Variants in CELSR1 observed in about 807,000 individuals in gnomAD.
CELSR1 encodes adhesion G protein-coupled receptor C1.
CELSR1 carries 110 observed loss-of-function variants against 249.1 expected under a neutral mutation model. The observed-to-expected ratio is 0.44, with a 90% confidence interval of 0.38 to 0.52. The LOEUF (loss-of-function observed/expected upper bound fraction) is 0.52, where lower values mean the gene tolerates loss of function less well. Ranked by LOEUF, CELSR1 falls within the 20% of genes least tolerant of loss-of-function variation. The pLI is 0.00. For missense variants in CELSR1, 4,109 were observed against 4,296.4 expected (o/e 0.96, Z 1.22); for synonymous variants, 2,113 against 1,900.0 (o/e 1.11, Z -2.92).
At position 46,372,567 on chromosome 22, in the gene CELSR1, T is replaced by C. The variant is rs1213105587; in HGVS notation, c.7759+316A>G. Among the ~76,000 whole-genome samples, 5 of 145,322 alleles carry C rather than the reference T, an allele frequency of 3.4e-5. No homozygotes were observed. The East Asian group carries it at 9.0e-4, about 26-fold the overall frequency. ...CTCCATCCATCCACCTGCACACTCATGCACTCACTCGCTCTTCCCTCCATC... is the reference window on the plus strand; with the variant it reads ...CTCCATCCATCCACCTGCACACTCACGCACTCACTCGCTCTTCCCTCCATC... On this transcript the variant is annotated intron_variant, in intron 25 of 34. Coordinates refer to ENST00000674500, the MANE Select transcript of CELSR1 (RefSeq NM_001378328.1).
In CELSR1 at chr22:46,454,628, C is replaced by T. The variant is rs2079925230; in HGVS notation, c.4183+9079G>A. ...CAGATGTTTGTTCCTCACTGACTCA[C>T]ATTCCACACCTAGTTCAGCTCGCCC... On this transcript the variant is annotated intron_variant, in intron 2 of 34. Transcript: ENST00000674500. This position sits in a 1 kb window ranked among gnomAD's most constrained non-coding sequence, Gnocchi z 5.1. Among the ~76,000 whole-genome samples the T allele has an allele frequency of 6.6e-6, 1 of 152,268 alleles. No homozygotes were observed. Among genetic ancestry groups the T allele is most frequent in the Admixed American group, 6.5e-5 (1 of 15,292 alleles).
intron 2 of CELSR1, among the ~76,000 whole-genome samples, chr22:46,458,995 C>A (rs1247612326): frequency 3.9e-5 from 6 of 152,068 alleles, no homozygotes; most frequent in Non-Finnish European, 8.8e-5. Flanking sequence ...TGGGTTCAAG[C>A]GATTCTCCTG....
intron 5 of CELSR1, among the ~76,000 whole-genome samples, chr22:46,431,927 G>A (rs1023783236): frequency 1.3e-5 from 2 of 152,212 alleles, no homozygotes; most frequent in African/African-American, 2.4e-5. Context: ...CCCACTAGGG[G>A]TGACATCCAA....
chr22:46,433,803 G>A lies in CELSR1; in HGVS notation c.4523-322C>T, dbSNP rs150477738. Among the ~76,000 whole-genome samples the A allele has an allele frequency of 2.8e-4, 42 of 152,272 alleles. No homozygotes were observed. Among genetic ancestry groups the A allele is most frequent in the Admixed American group, 1.7e-3 (26 of 15,302 alleles). On this transcript the variant is annotated intron_variant, in intron 4 of 34. Coordinates refer to ENST00000674500, the MANE Select transcript of CELSR1 (RefSeq NM_001378328.1). The surrounding 1 kb of genome is among the most constrained non-coding windows in gnomAD (Gnocchi z 5.7). ...GGGTTCAAGAGATTCTCCTGCCTCA[G>A]CCTCCTGAGTAGCTGGGATTACAGG...
intron 1 of CELSR1, among the ~76,000 whole-genome samples, chr22:46,505,359 C>T (rs1261193576): frequency 2.6e-5 from 4 of 151,032 alleles, no homozygotes; most frequent in Non-Finnish European, 4.4e-5. Flanking sequence ...GCAAACCGGG[C>T]GCGGTGGCTC....
chr22:46,376,779 C>T (rs1447810611), intron 24 of CELSR1, among the ~76,000 whole-genome samples: 2 of 150,652 alleles, frequency 1.3e-5, no homozygotes, highest in Non-Finnish European at 3.0e-5. Flanking sequence ...CTCACTCCAG[C>T]CTGGATTGAC....
In CELSR1 at chr22:46,398,270, G is replaced by C. The variant is rs558242557; in HGVS notation, c.5526+254C>G. ...GGCTCGATTCAGGACACTTCACAAA[G>C]GCAGAGGGGCAGGTGGCTGGCATGG... is the stretch of plus-strand genomic sequence containing the variant. On this transcript the variant is annotated intron_variant, in intron 11 of 34. Transcript: ENST00000674500. This position sits in a 1 kb window ranked among gnomAD's most constrained non-coding sequence, Gnocchi z 7.2. Among the ~76,000 whole-genome samples, 1 of 152,278 alleles carries C rather than the reference G, an allele frequency of 6.6e-6. No individual in the cohort carries two copies. The highest frequency in any genetic ancestry group is 1.9e-4 in the East Asian group (1 of 5,188).
At position 46,445,565 on chromosome 22, in the gene CELSR1, G is replaced by A. The variant is rs1472683612; in HGVS notation, c.4184-6154C>T. 6.6e-6 allele frequency among the ~76,000 whole-genome samples: 1 copy of A among 152,150 alleles called. No homozygotes were observed. Among genetic ancestry groups the A allele is most frequent in the Non-Finnish European group, 1.5e-5 (1 of 68,022 alleles). On this transcript the variant is annotated intron_variant, in intron 2 of 34. Coordinates refer to ENST00000674500, the MANE Select transcript of CELSR1 (RefSeq NM_001378328.1). The surrounding 1 kb of genome is among the most constrained non-coding windows in gnomAD (Gnocchi z 4.4). ...CCACCCTAAATCCACGATGACTTAA[G>A]GACCCAAACTCATTACATCTGGAAA...
chr22:46,462,235 G>A (rs1349602041), intron 2 of CELSR1, among the ~76,000 whole-genome samples: 1 of 152,250 alleles, frequency 6.6e-6, no homozygotes. Flanking sequence ...CCACAGACTA[G>A]CAGGCGTGGG....
rs2079365324 is a variant in CELSR1 at position 46,413,818 on chromosome 22, A to G, written c.4612-2059T>C. On this transcript the variant is annotated intron_variant, in intron 5 of 34. Transcript: ENST00000674500. The surrounding 1 kb of genome is among the most constrained non-coding windows in gnomAD (Gnocchi z 4.7). ...TGGAAGTGCCCATTATGGGACGCTT[A>G]AATGTGAGATGCGATCCCAGGGAAA... 6.6e-6 allele frequency among the ~76,000 whole-genome samples: 1 copy of G among 152,224 alleles called. No homozygotes were observed. The highest frequency in any genetic ancestry group is 1.5e-5 in the Non-Finnish European group (1 of 68,042).
Position 46,500,913 on chromosome 22 carries a change from G to T in CELSR1, c.3544+32714C>A, listed in dbSNP as rs1307797432. ...GACCCGAAAATCAGCCCATTTACAT[G>T]CCAAGTGCTGAGAACCCTGTTTCTA... On this transcript the variant is annotated intron_variant, in intron 1 of 34. Transcript: ENST00000674500. The surrounding 1 kb of genome is among the most constrained non-coding windows in gnomAD (Gnocchi z 4.9). Among the ~76,000 whole-genome samples the T allele has an allele frequency of 6.6e-6, 1 of 152,146 alleles. No homozygotes were observed. Among genetic ancestry groups the T allele is most frequent in the African/African-American group, 2.4e-5 (1 of 41,420 alleles).
chr22:46,419,608 G>A (rs1347911313), intron 5 of CELSR1, among the ~76,000 whole-genome samples: 2 of 152,210 alleles, frequency 1.3e-5, no homozygotes, highest in Non-Finnish European at 2.9e-5. Flanking sequence ...GGGAAAAACA[G>A]GAGAAAACTT....
chr22:46,514,285 C>G (rs955699243), intron 1 of CELSR1, among the ~76,000 whole-genome samples: 11 of 152,140 alleles, frequency 7.2e-5, no homozygotes, highest in East Asian at 1.9e-4. Context: ...ACCCAGTAAG[C>G]GAGACTACTC....
At position 46,389,292 on chromosome 22, in the gene CELSR1, C is replaced by T. The variant is rs369678287; in HGVS notation, c.6553G>A (p.Glu2185Lys). 11 of 1,604,438 alleles carry T rather than the reference C, an allele frequency of 6.9e-6. No homozygotes were observed. Among genetic ancestry groups the T allele is most frequent in the South Asian group, 4.4e-5 (4 of 90,994 alleles). ...CAGGGTGGCGGCCACCCGCCTACCT[C>T]GTGAAAGTCGGCGTCCTGCGTGGCT... ...LAATQDADFH[E>K]DVIHSGSALL... Residue 2185 changes from glutamate (E) to lysine (K), a missense_variant and splice_region_variant, in exon 18 of 35, where the codon GAG becomes AAG. Glu to Lys is a moderately conservative substitution (Grantham distance 56). This residue lies in a region of CELSR1 where 1,805 missense variants were observed against 1,831.6 expected (regional missense o/e 0.99). Coordinates refer to ENST00000674500, the MANE Select transcript of CELSR1 (RefSeq NM_001378328.1).
Position 46,376,795 on chromosome 22 carries a change from G to A in CELSR1, c.7584+266C>T, listed in dbSNP as rs149841955. On this transcript the variant is annotated intron_variant, in intron 24 of 34. Transcript: ENST00000674500. The stretch of plus-strand genomic sequence containing the variant: ...TCACTCCAGCCTGGATTGACAGAGC[G>A]AGACTCTCAAAAAAAAAAAAAAAGA... Among the ~76,000 whole-genome samples the A allele has an allele frequency of 6.7e-3, 977 of 145,486 alleles. 9 individuals carry two copies. Among genetic ancestry groups the A allele is most frequent in the African/African-American group, 0.023 (862 of 37,322 alleles).
intron 1 of CELSR1, among the ~76,000 whole-genome samples, chr22:46,514,401 C>T (rs80067390): frequency 6.6e-6 from 1 of 152,192 alleles, no homozygotes; most frequent in African/African-American, 2.4e-5. Context: ...CAGGCCCCGA[C>T]GGTCCATCCA....
At chr22:46,389,058 C>A (rs974165272) in intron 18 of CELSR1, among the ~76,000 whole-genome samples, 2 of 152,258 alleles carry the variant, frequency 1.3e-5, no homozygotes, top group Admixed American at 6.5e-5. Context: ...CTACCAGGAT[C>A]ACCAGCAAGG....
In CELSR1 at chr22:46,363,626, TCACCC is replaced by T. The variant is rs1283707349; in HGVS notation, c.9035+365_9035+369del. Reference sequence around the variant, plus strand: ...GGACCCCAGCTCCACCCCGCCCCCTTCACCCCTGGCATTCCGGGACCCTCAGTATC... The same window carrying T: ...GGACCCCAGCTCCACCCCGCCCCCTTCTGGCATTCCGGGACCCTCAGTATC... On this transcript the variant is annotated intron_variant, in intron 34 of 34. Transcript: ENST00000674500. This position sits in a 1 kb window ranked among gnomAD's most constrained non-coding sequence, Gnocchi z 4.3. The T allele has an allele frequency of 8.4e-6, 3 of 358,030 alleles. No individual in the cohort carries two copies. The highest frequency in any genetic ancestry group is 1.5e-5 in the Non-Finnish European group (3 of 195,834). The allele number at this position is 358,030 out of a possible 1,614,324, so 22.2% of individuals were successfully genotyped here.
chr22:46,373,793 T>G (rs1255491968), intron 24 of CELSR1, among the ~76,000 whole-genome samples: 1 of 152,044 alleles, frequency 6.6e-6, no homozygotes, highest in Non-Finnish European at 1.5e-5. Context: ...CGGCCTGCTC[T>G]GGACACACTG....
Sources: allele counts gnomAD v4.1 joint callset (sites outside exome capture counted in the v4.1 genomes callset), GRCh38; gene constraint gnomAD v4.1.1; regional missense constraint gnomAD v4.1.1; non-coding constraint Gnocchi (gnomAD v3.1); transcripts MANE v1.5; gene names NCBI Gene and HGNC (gene_info 2026-07-23, HGNC 2026-07-21).